Variants in PRICKLE1 observed in about 807,000 individuals in gnomAD.
PRICKLE1 encodes prickle planar cell polarity protein 1.
PRICKLE1 carries 14 observed loss-of-function variants against 70.2 expected under a neutral mutation model. The ratio of observed to expected loss-of-function variants is 0.20; its 90% CI spans 0.13 to 0.31. The LOEUF is 0.31. Among genes scored for constraint, PRICKLE1 ranks in the 10% least tolerant of loss-of-function variants. PRICKLE1 has a pLI of 1.00. For synonymous variants in PRICKLE1, 357 were observed against 379.9 expected (o/e 0.94, Z 0.70); for missense variants, 821 against 1,026.2 (o/e 0.80, Z 2.73).
intron 1 of PRICKLE1, among the ~76,000 whole-genome samples, chr12:42,570,857 G>A (rs2120750012): frequency 6.6e-6 from 1 of 152,118 alleles, no homozygotes; most frequent in African/African-American, 2.4e-5. Flanking sequence ...TATTCAGTAA[G>A]TTCTTGAAAA....
chr12:42,464,622 A>T lies in PRICKLE1; in HGVS notation c.1412T>A (p.Met471Lys). ...SLASKKYQSD[M>K]YWAQSQDGLG... ...TCCATCTTGTGACTGTGCCCAGTACATATCAGACTGGTATTTTTTACTTGC... is the reference window on the plus strand; with the variant it reads ...TCCATCTTGTGACTGTGCCCAGTACTTATCAGACTGGTATTTTTTACTTGC... The change falls in exon 7 of 8, where the codon ATG becomes AAG. Residue 471 changes from methionine (M) to lysine (K), a missense_variant. Physicochemically the swap from Met to Lys is moderately conservative, Grantham distance 95. Transcript: ENST00000345127. The surrounding 1 kb of genome is among the most constrained non-coding windows in gnomAD (Gnocchi z 4.2). 6.2e-7 allele frequency: 1 copy of T among 1,613,974 alleles called. No homozygotes were observed. Among genetic ancestry groups the T allele is most frequent in the Non-Finnish European group, 8.5e-7 (1 of 1,179,994 alleles).
intron 1 of PRICKLE1, among the ~76,000 whole-genome samples, chr12:42,491,209 A>C (rs1939098212): frequency 6.6e-6 from 1 of 151,808 alleles, no homozygotes; most frequent in African/African-American, 2.4e-5. Flanking sequence ...GTTGATATTC[A>C]CCTTTAAAAT....
At chr12:42,532,726 T>C (rs1431288002) in intron 1 of PRICKLE1, among the ~76,000 whole-genome samples, 2 of 152,010 alleles carry the variant, frequency 1.3e-5, no homozygotes, top group Non-Finnish European at 2.9e-5. Flanking sequence ...TGAAACCCCG[T>C]CTCTACTAAA....
At chr12:42,551,125 T>C (rs966760298) in intron 1 of PRICKLE1, among the ~76,000 whole-genome samples, 1 of 152,222 alleles carries the variant, frequency 6.6e-6, no homozygotes, top group Non-Finnish European at 1.5e-5. Context: ...TAAAATGCCA[T>C]TGTGATCAGC....
intron 1 of PRICKLE1, among the ~76,000 whole-genome samples, chr12:42,520,357 T>C (rs981208357): frequency 1.3e-5 from 2 of 152,284 alleles, no homozygotes; most frequent in South Asian, 4.1e-4. Context: ...TATTAACAGG[T>C]AGTGGACTTT....
At chr12:42,479,679 G>A (rs1380150426) in intron 1 of PRICKLE1, among the ~76,000 whole-genome samples, 6 of 152,156 alleles carry the variant, frequency 3.9e-5, no homozygotes, top group East Asian at 3.8e-4. Flanking sequence ...TGTAGCCACC[G>A]GGTGCAGTGG....
chr12:42,505,746 T>G (rs1593143916), intron 1 of PRICKLE1, among the ~76,000 whole-genome samples: 1 of 152,234 alleles, frequency 6.6e-6, no homozygotes, highest in East Asian at 1.9e-4. Context: ...CAGGTTGCAT[T>G]TGTTAGTTGT....
chr12:42,509,829 C>T (rs1333668068), intron 1 of PRICKLE1, among the ~76,000 whole-genome samples: 1 of 151,970 alleles, frequency 6.6e-6, no homozygotes, highest in African/African-American at 2.4e-5. Flanking sequence ...AATCCCAGCA[C>T]TTTGGAAGGC....
At chr12:42,548,904 T>C (rs2120639969) in intron 1 of PRICKLE1, among the ~76,000 whole-genome samples, 1 of 152,240 alleles carries the variant, frequency 6.6e-6, no homozygotes, top group Admixed American at 6.5e-5. Context: ...GTGGATCAGT[T>C]GAGGCCAGGA....
At chr12:42,541,464 C>T (rs1940114111) in intron 1 of PRICKLE1, among the ~76,000 whole-genome samples, 1 of 151,934 alleles carries the variant, frequency 6.6e-6, no homozygotes, top group African/African-American at 2.4e-5. Context: ...CTTCAGCCTC[C>T]CAAGTAGTCA....
intron 1 of PRICKLE1, among the ~76,000 whole-genome samples, chr12:42,477,413 T>C (rs1467134648): frequency 7.2e-6 from 1 of 138,968 alleles, no homozygotes; most frequent in Non-Finnish European, 1.6e-5. Context: ...ACACATATTA[T>C]ATATATGTAT....
At chr12:42,566,431 T>G (rs1940621804) in intron 1 of PRICKLE1, among the ~76,000 whole-genome samples, 1 of 151,918 alleles carries the variant, frequency 6.6e-6, no homozygotes, top group African/African-American at 2.4e-5. Flanking sequence ...GAGGGGGAAG[T>G]GGCTGTGAGA....
intron 1 of PRICKLE1, among the ~76,000 whole-genome samples, chr12:42,477,042 A>G (rs951893419): frequency 2.6e-5 from 4 of 152,110 alleles, no homozygotes; most frequent in Non-Finnish European, 5.9e-5. Context: ...TGGCAGCTAA[A>G]CACAGTTCTT....
At chr12:42,543,277 T>C (rs1293491649) in intron 1 of PRICKLE1, among the ~76,000 whole-genome samples, 1 of 152,162 alleles carries the variant, frequency 6.6e-6, no homozygotes, top group Non-Finnish European at 1.5e-5. Flanking sequence ...AAAGAAGATT[T>C]CACTGGTGAC....
intron 1 of PRICKLE1, among the ~76,000 whole-genome samples, chr12:42,481,826 A>G (rs1938804676): frequency 6.6e-6 from 1 of 151,822 alleles, no homozygotes; most frequent in African/African-American, 2.4e-5. Context: ...TTCCAGTAAA[A>G]GAGACACTAA....
At chr12:42,460,851 A>G (rs866955269) in intron 7 of PRICKLE1, 186 bp from the exon 8 acceptor site, 1 of 688,952 alleles carries the variant, frequency 1.5e-6, no homozygotes, top group Non-Finnish European at 2.5e-6. Context: ...AGTTATTGTT[A>G]TAAGGGGTGG....
Position 42,520,379 on chromosome 12 carries a change from G to T in PRICKLE1, c.-48-47815C>A, listed in dbSNP as rs150688212. ...AGGTAGTGGACTTTGGAGGTAGACA[G>T]CCCTGAGACAGAATATGACTCTCCC... On this transcript the variant is annotated intron_variant, in intron 1 of 7. Coordinates refer to ENST00000345127, the MANE Select transcript of PRICKLE1 (RefSeq NM_153026.3). Among the ~76,000 whole-genome samples, 124 of 152,330 alleles carry T rather than the reference G, an allele frequency of 8.1e-4. 1 individual carries two copies. The highest frequency in any genetic ancestry group is 2.8e-3 in the African/African-American group (117 of 41,576).
intron 1 of PRICKLE1, among the ~76,000 whole-genome samples, chr12:42,503,357 G>C (rs1301291519): frequency 6.6e-6 from 1 of 152,108 alleles, no homozygotes; most frequent in East Asian, 1.9e-4. Flanking sequence ...ACTCCCACCT[G>C]GGATGAGCAT....
chr12:42,554,369 A>G (rs1053612385), intron 1 of PRICKLE1, among the ~76,000 whole-genome samples: 1 of 152,238 alleles, frequency 6.6e-6, no homozygotes, highest in African/African-American at 2.4e-5. Context: ...AAAATAACCC[A>G]TAATTTTACA....
Sources: allele counts gnomAD v4.1 joint callset (sites outside exome capture counted in the v4.1 genomes callset), GRCh38; gene constraint gnomAD v4.1.1; non-coding constraint Gnocchi (gnomAD v3.1); transcripts MANE v1.5; gene names NCBI Gene and HGNC (gene_info 2026-07-23, HGNC 2026-07-21).